The following NT5DC1 variants were observed in gnomAD, a reference collection of about 807,000 sequenced individuals.
NT5DC1 encodes 5'-nucleotidase domain containing 1, also known as 5'-nucleotidase domain-containing protein 1.
A neutral mutation model predicts 59.4 loss-of-function variants in NT5DC1; 42 were observed. The ratio of observed to expected loss-of-function variants is 0.71; its 90% CI spans 0.55 to 0.92. The LOEUF (loss-of-function observed/expected upper bound fraction) is 0.92, where lower values mean the gene tolerates loss of function less well. Ranked by LOEUF, NT5DC1 falls within the 40% of genes least tolerant of loss-of-function variation. The pLI is 0.00. For missense variants in NT5DC1, 501 were observed against 537.1 expected (o/e 0.93, Z 0.66); for synonymous variants, 172 against 188.1 (o/e 0.91, Z 0.70).
chr6:116,156,389 T>C (rs1780194207), intron 6 of NT5DC1, among the ~76,000 whole-genome samples: 1 of 152,202 alleles, frequency 6.6e-6, no homozygotes, highest in Admixed American at 6.5e-5. Flanking sequence ...TAATACTATG[T>C]AGGCACTTTG....
At chr6:116,135,200 G>T (rs1192682953) in intron 6 of NT5DC1, among the ~76,000 whole-genome samples, 1 of 152,072 alleles carries the variant, frequency 6.6e-6, no homozygotes, top group African/African-American at 2.4e-5. Flanking sequence ...TCTCTTGAAT[G>T]GAAATACATA....
Position 116,246,424 on chromosome 6 carries a change from G to A in NT5DC1, c.*2400G>A, listed in dbSNP as rs1771849407. The A allele has an allele frequency of 6.7e-6, 1 of 149,862 alleles. No homozygotes were observed. Among genetic ancestry groups the A allele is most frequent in the South Asian group, 2.1e-4 (1 of 4,744 alleles). 9.3% of individuals were successfully genotyped at this position (149,862 alleles called of 1,614,324 possible). A position where few individuals can be genotyped will look rare whatever the true frequency, so the allele number is the denominator to read the frequency against. ...TTGTTAAACTCTAAACTGAAATCAA[G>A]TATTATTTCCCCACCAATATTCATA... is the stretch of plus-strand genomic sequence containing the variant. On this transcript the variant is annotated 3_prime_UTR_variant, in exon 12 of 12. Transcript: ENST00000319550.
At chr6:116,190,438 G>C (rs1035822972) in intron 6 of NT5DC1, among the ~76,000 whole-genome samples, 1 of 151,934 alleles carries the variant, frequency 6.6e-6, no homozygotes, top group Non-Finnish European at 1.5e-5. Flanking sequence ...ACTTGGATGA[G>C]GGATGAGAGG....
chr6:116,130,578 G>T (rs1779434532), intron 6 of NT5DC1, among the ~76,000 whole-genome samples: 1 of 152,094 alleles, frequency 6.6e-6, no homozygotes, highest in Non-Finnish European at 1.5e-5. Context: ...GTGCCTGGAT[G>T]TCTGGGTCCT....
intron 5 of NT5DC1, among the ~76,000 whole-genome samples, chr6:116,116,747 T>C (rs1480494783): frequency 1.3e-5 from 2 of 152,164 alleles, no homozygotes; most frequent in African/African-American, 4.8e-5. Flanking sequence ...CATTGAGCAA[T>C]AGTTTGGGTA....
At chr6:116,170,320 C>G (rs1031776710) in intron 6 of NT5DC1, among the ~76,000 whole-genome samples, 6 of 151,452 alleles carry the variant, frequency 4.0e-5, no homozygotes, top group African/African-American at 1.5e-4. Flanking sequence ...TTTTTTAATT[C>G]AAAAGAAAGG....
At chr6:116,230,441 G>T (rs550053818) in intron 8 of NT5DC1, among the ~76,000 whole-genome samples, 5 of 151,970 alleles carry the variant, frequency 3.3e-5, no homozygotes, top group Non-Finnish European at 7.4e-5. Context: ...TTTTGTTCTC[G>T]CTATTCTGTC....
chr6:116,141,471 T>C (rs1035985070), intron 6 of NT5DC1, among the ~76,000 whole-genome samples: 1 of 152,076 alleles, frequency 6.6e-6, no homozygotes, highest in African/African-American at 2.4e-5. Flanking sequence ...ATTACTTACA[T>C]TGTTCTTTTC....
chr6:116,234,032 C>T (rs371573855), intron 8 of NT5DC1, among the ~76,000 whole-genome samples: 27 of 136,862 alleles, frequency 2.0e-4, no homozygotes, highest in African/African-American at 7.5e-4. Context: ...GGCTGAAGTC[C>T]AGTCTGCAAT....
chr6:116,145,502 TA>T, intron 6 of NT5DC1: 1 of 363,270 alleles, frequency 2.8e-6, no homozygotes. Flanking sequence ...TTTAAGAGAT[TA>T]AAGTGGGTCC....
intron 6 of NT5DC1, among the ~76,000 whole-genome samples, chr6:116,212,673 A>G (rs1781603363): frequency 6.6e-6 from 1 of 152,094 alleles, no homozygotes; most frequent in South Asian, 2.1e-4. Flanking sequence ...AAAGTTTTTG[A>G]GTTGAGATTT....
At chr6:116,144,306 T>G (rs879412959) in intron 6 of NT5DC1, among the ~76,000 whole-genome samples, 4 of 152,084 alleles carry the variant, frequency 2.6e-5, no homozygotes, top group Admixed American at 6.5e-5. Context: ...ATCAAGACCA[T>G]CCTGGCCAAC....
At chr6:116,226,414 T>C (rs1781910611) in intron 8 of NT5DC1, among the ~76,000 whole-genome samples, 1 of 144,882 alleles carries the variant, frequency 6.9e-6, no homozygotes, top group Non-Finnish European at 1.5e-5. Context: ...TATACCAAGT[T>C]TTTTTTAACA....
chr6:116,225,174 A>G (rs1290648695), intron 8 of NT5DC1, among the ~76,000 whole-genome samples: 2 of 152,190 alleles, frequency 1.3e-5, no homozygotes, highest in African/African-American at 4.8e-5. Context: ...AGTAGGGGTT[A>G]TATCTGTTAA....
intron 6 of NT5DC1, among the ~76,000 whole-genome samples, chr6:116,135,872 T>TACACACACAC (rs71554839): frequency 1.6e-5 from 2 of 121,314 alleles, no homozygotes; most frequent in African/African-American, 3.5e-5. Flanking sequence ...TATATATATA[T>TACACACACAC]ACACACATAC....
intron 6 of NT5DC1, among the ~76,000 whole-genome samples, chr6:116,212,502 C>T (rs1323909077): frequency 1.3e-5 from 2 of 152,078 alleles, no homozygotes; most frequent in Non-Finnish European, 2.9e-5. Context: ...TGAAATACAA[C>T]TCTGCATACT....
rs934264087 is a variant in NT5DC1 at position 116,236,896 on chromosome 6, A to G, written c.803-70A>G. 5.5e-6 allele frequency: 5 copies of G among 902,930 alleles called. No homozygotes were observed. The East Asian group carries it at 1.2e-4, about 22-fold the overall frequency. The allele number at this position is 902,930 out of a possible 1,614,324, so 55.9% of individuals were successfully genotyped here. ...TGTACATGTCCTGTAGCCATGCCCT[A>G]AGTGTGGTCTGCCCAACTGGCTACT... On this transcript the variant is annotated intron_variant, in intron 8 of 11. Transcript: ENST00000319550.
intron 6 of NT5DC1, among the ~76,000 whole-genome samples, chr6:116,208,153 T>A (rs1781497022): frequency 6.6e-6 from 1 of 152,026 alleles, no homozygotes; most frequent in Non-Finnish European, 1.5e-5. Context: ...TTATTTTTTC[T>A]GATCTCTTTG....
chr6:116,204,332 A>G (rs1198020404), intron 6 of NT5DC1, among the ~76,000 whole-genome samples: 2 of 151,992 alleles, frequency 1.3e-5, no homozygotes, highest in African/African-American at 4.8e-5. Flanking sequence ...TAGAAATGTA[A>G]AAGGGATGAG....
Sources: allele counts gnomAD v4.1 joint callset (sites outside exome capture counted in the v4.1 genomes callset), GRCh38; gene constraint gnomAD v4.1.1; transcripts MANE v1.5; gene names NCBI Gene and HGNC (gene_info 2026-07-23, HGNC 2026-07-21).